The following QRSL1 variants were observed in gnomAD, a reference collection of about 807,000 sequenced individuals.
QRSL1 encodes the protein glutamyl-tRNA(Gln) amidotransferase subunit A, mitochondrial.
Under a neutral mutation model 61.6 loss-of-function variants are expected in QRSL1, and 54 were observed. That is an observed-to-expected ratio of 0.88 (90% CI 0.70 to 1.10). The LOEUF (loss-of-function observed/expected upper bound fraction) is 1.10, where lower values mean the gene tolerates loss of function less well. QRSL1 is among the 50% of genes least tolerant of loss of function. QRSL1 has a pLI of 0.00. For missense variants in QRSL1, 505 were observed against 622.6 expected (o/e 0.81, Z 2.01); for synonymous variants, 228 against 225.7 (o/e 1.01, Z -0.09).
intron 8 of QRSL1, among the ~76,000 whole-genome samples, 159 bp from the exon 9 acceptor site, chr6:106,655,456 A>G (rs1777252222): frequency 6.7e-6 from 1 of 148,740 alleles, no homozygotes; most frequent in Non-Finnish European, 1.5e-5. Context: ...CAGAACTTGC[A>G]GTGAGCCGAG....
chr6:106,631,521 AG>A (rs1300529223), intron 1 of QRSL1, among the ~76,000 whole-genome samples: 2 of 152,224 alleles, frequency 1.3e-5, no homozygotes, highest in Non-Finnish European at 2.9e-5. Context: ...CTTGGCCACA[AG>A]GATCAGTCAC....
chr6:106,652,839 G>A, intron 7 of QRSL1: 1 of 1,247,008 alleles, frequency 8.0e-7, no homozygotes, highest in Non-Finnish European at 1.1e-6. Flanking sequence ...TCTGTAATGG[G>A]CAAGATAGCA....
In QRSL1 at chr6:106,655,629, A is replaced by G. The variant is rs764398982; in HGVS notation, c.1057A>G (p.Ile353Val). Residue 353 changes from isoleucine to valine, a missense_variant, in exon 9 of 11, where the codon ATT (isoleucine) becomes GTT (valine). Coordinates refer to ENST00000369046, the MANE Select transcript of QRSL1 (RefSeq NM_018292.5). ...CTTGTTTTCAGGTCACAGATGTGAC[A>G]TTGATGTGTCCACTGAAGCCATGTA... ...DGLQYGHRCD[I>V]DVSTEAMYAA... 1.9e-6 allele frequency: 3 copies of G among 1,610,166 alleles called. No individual in the cohort carries two copies. Among genetic ancestry groups the G allele is most frequent in the East Asian group, 2.2e-5 (1 of 44,808 alleles).
At chr6:106,648,337 AGATT>A (rs1456218144) in intron 4 of QRSL1, among the ~76,000 whole-genome samples, 1 of 152,100 alleles carries the variant, frequency 6.6e-6, no homozygotes, top group African/African-American at 2.4e-5. Context: ...AATGTTACTG[AGATT>A]GATAACTATA....
At chr6:106,637,251 G>C (rs1252025853) in intron 1 of QRSL1, among the ~76,000 whole-genome samples, 1 of 152,192 alleles carries the variant, frequency 6.6e-6, no homozygotes, top group Admixed American at 6.5e-5. Flanking sequence ...GAGATCAAAC[G>C]GATGTTAGTA....
At chr6:106,639,123 T>G (rs796794480) in intron 1 of QRSL1, among the ~76,000 whole-genome samples, 6 of 58,238 alleles carry the variant, frequency 1.0e-4, no homozygotes, top group African/African-American at 2.3e-4. Context: ...TTTGTTGTTT[T>G]TTTTTTTTTT....
chr6:106,649,792 T>C (rs1270084737), intron 5 of QRSL1, among the ~76,000 whole-genome samples: 1 of 152,206 alleles, frequency 6.6e-6, no homozygotes, highest in Non-Finnish European at 1.5e-5. Context: ...AAGAATCCAT[T>C]GATCATATTT....
intron 9 of QRSL1, among the ~76,000 whole-genome samples, chr6:106,656,370 A>T (rs1389579761): frequency 2.6e-5 from 4 of 152,224 alleles, no homozygotes. Context: ...TCTCTTGAAA[A>T]ATGTATTGAA....
At chr6:106,654,601 T>C (rs934732856) in intron 7 of QRSL1, 129 bp from the exon 8 acceptor site, 6 of 765,420 alleles carry the variant, frequency 7.8e-6, no homozygotes, top group Non-Finnish European at 1.0e-5. Context: ...AATTTTATCC[T>C]ATTTTCTAAT....
At chr6:106,662,275 C>T (rs1454801126) in intron 9 of QRSL1, among the ~76,000 whole-genome samples, 1 of 152,156 alleles carries the variant, frequency 6.6e-6, no homozygotes, top group East Asian at 1.9e-4. Flanking sequence ...ACTTTACTTT[C>T]CTCACCAATG....
intron 9 of QRSL1, among the ~76,000 whole-genome samples, chr6:106,659,057 T>C (rs1435507465): frequency 6.6e-6 from 1 of 152,188 alleles, no homozygotes; most frequent in Non-Finnish European, 1.5e-5. Flanking sequence ...ATGTTGATTC[T>C]TTCCAGTACA....
At chr6:106,650,990 A>G (rs530742821) in intron 5 of QRSL1, among the ~76,000 whole-genome samples, 65 of 152,304 alleles carry the variant, frequency 4.3e-4, no homozygotes, top group South Asian at 3.7e-3. Context: ...AACCATTTTT[A>G]AAAGTACAGT....
intron 5 of QRSL1, among the ~76,000 whole-genome samples, chr6:106,651,492 T>A (rs1777187414): frequency 6.6e-6 from 1 of 152,172 alleles, no homozygotes; most frequent in African/African-American, 2.4e-5. Flanking sequence ...TGACAGCATA[T>A]ATCAGAAACT....
intron 1 of QRSL1, among the ~76,000 whole-genome samples, chr6:106,631,102 T>G (rs974920132): frequency 8.6e-5 from 13 of 151,840 alleles, no homozygotes; most frequent in African/African-American, 2.9e-4. Flanking sequence ...GGCGGGCGCC[T>G]GTAGTCCCAG....
At chr6:106,655,216 G>A (rs181288444) in intron 8 of QRSL1, among the ~76,000 whole-genome samples, 1 of 152,258 alleles carries the variant, frequency 6.6e-6, no homozygotes, top group East Asian at 1.9e-4. Flanking sequence ...ATGAATGAAT[G>A]AGGGAGTGAA....
intron 4 of QRSL1, among the ~76,000 whole-genome samples, chr6:106,645,316 A>G (rs186049160): frequency 6.6e-6 from 1 of 152,352 alleles, no homozygotes; most frequent in East Asian, 1.9e-4. Flanking sequence ...AAGAATCGGC[A>G]TCATAATACA....
intron 1 of QRSL1, among the ~76,000 whole-genome samples, chr6:106,632,932 C>T (rs1304370093): frequency 6.6e-6 from 1 of 152,206 alleles, no homozygotes; most frequent in African/African-American, 2.4e-5. Flanking sequence ...TCTTGACCTT[C>T]CTTGGCTCCA....
At chr6:106,639,132 T>TTTTTG (rs1562165127) in intron 1 of QRSL1, among the ~76,000 whole-genome samples, 2 of 139,744 alleles carry the variant, frequency 1.4e-5, no homozygotes, top group African/African-American at 5.5e-5. Flanking sequence ...TTTTTTTTTT[T>TTTTTG]TTTTTTTTTT....
At chr6:106,650,035 T>A (rs1777169161) in intron 5 of QRSL1, among the ~76,000 whole-genome samples, 1 of 152,224 alleles carries the variant, frequency 6.6e-6, no homozygotes, top group Non-Finnish European at 1.5e-5. Context: ...TACAGATTTT[T>A]TTTCAGTTTT....
Sources: allele counts gnomAD v4.1 joint callset (sites outside exome capture counted in the v4.1 genomes callset), GRCh38; gene constraint gnomAD v4.1.1; transcripts MANE v1.5; gene names NCBI Gene and HGNC (gene_info 2026-07-23, HGNC 2026-07-21).